Variants in MYO9A observed in about 807,000 individuals in gnomAD.
The protein encoded by MYO9A is unconventional myosin-IXa.
Under a neutral mutation model 293.3 loss-of-function variants are expected in MYO9A, and 103 were observed. The observed-to-expected ratio is 0.35, with a 90% CI of 0.30 to 0.41. MYO9A has a LOEUF of 0.41. Among genes scored for constraint, MYO9A ranks in the 10% least tolerant of loss-of-function variants. The pLI, the probability that MYO9A is intolerant of heterozygous loss-of-function variation, is 1.00. For missense variants in MYO9A, 2,685 were observed against 3,033.0 expected (o/e 0.89, Z 2.69); for synonymous variants, 1,001 against 1,035.7 (o/e 0.97, Z 0.64).
At chr15:71,896,351 A>G (rs1285420380) in intron 25 of MYO9A, among the ~76,000 whole-genome samples, 1 of 152,218 alleles carries the variant, frequency 6.6e-6, no homozygotes, top group Non-Finnish European at 1.5e-5. Context: ...CAATGATGAC[A>G]TTCTCCATAA....
chr15:71,948,373 CT>C (rs1275349898), intron 15 of MYO9A, among the ~76,000 whole-genome samples: 1 of 152,192 alleles, frequency 6.6e-6, no homozygotes. Flanking sequence ...ACCAAACCCA[CT>C]GCCTGTTTTT....
At chr15:71,849,265 C>A (rs1596022278) in intron 38 of MYO9A, among the ~76,000 whole-genome samples, 2 of 152,174 alleles carry the variant, frequency 1.3e-5, no homozygotes, top group East Asian at 3.9e-4. Flanking sequence ...ACCTGGCCAA[C>A]ATGGTGAAAC....
At chr15:71,897,418 C>T in intron 25 of MYO9A, 43 bp downstream of exon 25, 1 of 1,531,908 alleles carries the variant, frequency 6.5e-7, no homozygotes, top group Non-Finnish European at 8.8e-7. Context: ...TAAAAATACT[C>T]CAAGAAGTTT....
Position 71,825,842 on chromosome 15 carries a change from G to A in MYO9A, c.*738C>T, listed in dbSNP as rs941295888. On this transcript the variant is annotated 3_prime_UTR_variant, in exon 42 of 42. Transcript: ENST00000356056. ...CTACTGACACTTCAGCCCATGCAAT[G>A]TATTTGGCAGGAACTAAACAGGAGT... 1 of 152,130 alleles carries A rather than the reference G, an allele frequency of 6.6e-6. No individual in the cohort carries two copies. The highest frequency in any genetic ancestry group is 2.4e-5 in the African/African-American group (1 of 41,424). 9.4% of individuals were successfully genotyped at this position (152,130 alleles called of 1,614,324 possible).
intron 2 of MYO9A, chr15:72,041,438 A>T (rs572520799): frequency 8.9e-6 from 3 of 338,666 alleles, no homozygotes; most frequent in South Asian, 2.5e-5. Flanking sequence ...AAGGACAAAT[A>T]TCTTCTTCTT....
intron 1 of MYO9A, among the ~76,000 whole-genome samples, chr15:72,060,093 GA>G (rs2078838430): frequency 6.6e-6 from 1 of 152,096 alleles, no homozygotes; most frequent in Non-Finnish European, 1.5e-5. Context: ...ATTTTGAACT[GA>G]TTTTTTTGTA....
chr15:71,937,201 T>C (rs931556285), intron 16 of MYO9A, among the ~76,000 whole-genome samples: 2 of 152,036 alleles, frequency 1.3e-5, no homozygotes, highest in African/African-American at 4.8e-5. Flanking sequence ...ATTATAGAAA[T>C]TGAGTTGATA....
intron 8 of MYO9A, among the ~76,000 whole-genome samples, chr15:72,007,393 G>GAAAAAA (rs894979341): frequency 6.7e-6 from 1 of 150,232 alleles, no homozygotes. Flanking sequence ...ACCCATAAGG[G>GAAAAAA]AAAAAAAAAA....
chr15:72,033,619 C>T (rs1054822158), intron 2 of MYO9A, among the ~76,000 whole-genome samples: 10 of 152,016 alleles, frequency 6.6e-5, no homozygotes, highest in African/African-American at 1.9e-4. Flanking sequence ...AGCAGATCAG[C>T]GGTTATCTGG....
At chr15:72,102,499 T>TAAA (rs55804686) in intron 1 of MYO9A, among the ~76,000 whole-genome samples, 2 of 114,456 alleles carry the variant, frequency 1.7e-5, no homozygotes, top group Admixed American at 1.7e-4. Flanking sequence ...TAAATAAATT[T>TAAA]AAAAAAAAAA....
At position 71,975,390 on chromosome 15, in the gene MYO9A, C is replaced by CGTGTGTGTGTGTGTGTGTGTGT. The variant is rs57800508; in HGVS notation, c.1844+2759_1844+2780dup. ...CCTTTGGCCTATGACGTGATTTTAT[C>CGTGTGTGTGTGTGTGTGTGTGT]GTGTGTGTGTGTGTGTGTGTGTGTG... On this transcript the variant is annotated intron_variant, in intron 12 of 41. Transcript: ENST00000356056. 1.1e-3 allele frequency among the ~76,000 whole-genome samples: 94 copies of CGTGTGTGTGTGTGTGTGTGTGT among 86,684 alleles called. 9 individuals are homozygous for CGTGTGTGTGTGTGTGTGTGTGT. Among genetic ancestry groups the CGTGTGTGTGTGTGTGTGTGTGT allele is most frequent in the African/African-American group, 3.0e-3 (57 of 19,068 alleles). 56.9% of individuals were successfully genotyped at this position (86,684 alleles called of 152,430 possible).
chr15:71,834,020 GCAAA>G (rs1160260818), intron 39 of MYO9A, among the ~76,000 whole-genome samples: 2 of 151,808 alleles, frequency 1.3e-5, no homozygotes, highest in Non-Finnish European at 2.9e-5. Flanking sequence ...AAAGAAAAGA[GCAAA>G]CAAACATTAG....
intron 13 of MYO9A, among the ~76,000 whole-genome samples, chr15:71,967,587 C>T (rs927099106): frequency 6.6e-6 from 1 of 152,050 alleles, no homozygotes; most frequent in Non-Finnish European, 1.5e-5. Flanking sequence ...ATAAGAGTTT[C>T]AATATATTCA....
At chr15:71,839,718 CT>C (rs1296533925) in intron 39 of MYO9A, among the ~76,000 whole-genome samples, 5 of 151,410 alleles carry the variant, frequency 3.3e-5, no homozygotes, top group Non-Finnish European at 5.9e-5. Context: ...CCTGAATCGG[CT>C]TTTTTTTTGT....
chr15:72,049,561 T>C (rs1217258694), intron 1 of MYO9A, among the ~76,000 whole-genome samples: 1 of 152,210 alleles, frequency 6.6e-6, no homozygotes. Flanking sequence ...GTCCATGGCC[T>C]GTCAGAAACT....
At chr15:71,940,232 T>C (rs149043482) in intron 15 of MYO9A, among the ~76,000 whole-genome samples, 2,054 of 152,318 alleles carry the variant, frequency 0.013, 28 homozygotes, top group African/African-American at 0.023. Context: ...CAGTGGCCCA[T>C]GCTGGTAATC....
intron 13 of MYO9A, among the ~76,000 whole-genome samples, chr15:71,961,078 T>C (rs2075727441): frequency 6.6e-6 from 1 of 152,206 alleles, no homozygotes; most frequent in South Asian, 2.1e-4. Context: ...TGGTGTCTTA[T>C]ACATTGGTTG....
In MYO9A at chr15:71,826,685, C is replaced by CTCTT. The variant is rs1416389074; in HGVS notation, c.7538_7541dup (p.Thr2515ArgfsTer31). 1.5e-5 allele frequency: 24 copies of CTCTT among 1,613,956 alleles called. No individual in the cohort carries two copies. The highest frequency in any genetic ancestry group is 1.9e-5 in the Non-Finnish European group (23 of 1,179,984). On this transcript the variant is annotated frameshift_variant, in exon 42 of 42. Transcript: ENST00000356056. LOFTEE classifies it high-confidence loss of function. ...CAGACATGACTGTCCCCTCTGGGGT[C>CTCTT]TCTTTGGTTTTCTGAGGTGAGTTTT...
chr15:72,103,545 A>G (rs890939074), intron 1 of MYO9A, among the ~76,000 whole-genome samples: 1 of 150,286 alleles, frequency 6.7e-6, no homozygotes, highest in Non-Finnish European at 1.5e-5. Context: ...GAAGCAGCAG[A>G]AGCAGTGGAA....
Sources: allele counts gnomAD v4.1 joint callset (sites outside exome capture counted in the v4.1 genomes callset), GRCh38; gene constraint gnomAD v4.1.1; transcripts MANE v1.5; gene names NCBI Gene and HGNC (gene_info 2026-07-23, HGNC 2026-07-21).